The following XIRP2 variants were observed in gnomAD, a reference collection of about 807,000 sequenced individuals.
XIRP2 encodes xin actin-binding repeat-containing protein 2.
In XIRP2, 236 loss-of-function variants were observed where a neutral mutation model predicts 277.0. The observed-to-expected ratio is 0.85, with a 90% CI of 0.77 to 0.95. The LOEUF (loss-of-function observed/expected upper bound fraction) is 0.95. Among genes scored for constraint, XIRP2 ranks in the 40% least tolerant of loss-of-function variants. The probability of loss-of-function intolerance (pLI) is 0.00; values close to 1 mark genes in which losing one functional copy is unlikely to be tolerated. For missense variants in XIRP2, 4,640 were observed against 4,157.5 expected, an observed-to-expected ratio of 1.12 and a Z score of -3.19; for synonymous variants, 1,490 against 1,416.5, an observed-to-expected ratio of 1.05 and a Z score of -1.17.
rs1287671784 is a variant in XIRP2, at chr2:167,245,254, A to G, written c.3862A>G (p.Lys1288Glu). 1 of 1,613,682 alleles carries G rather than the reference A, an allele frequency of 6.2e-7. No homozygotes were observed. Residue 1288 changes from lysine to glutamate, a missense_variant, in exon 9 of 11, where the codon AAA (lysine) becomes GAA (glutamate). Coordinates refer to ENST00000409195, the MANE Select transcript of XIRP2 (RefSeq NM_152381.6). ...IFETFSLDEI[K>E]EESDYISTKK... ...TGAGACTTTTTCTTTAGATGAGATT[A>G]AAGAAGAATCTGACTATATCAGCAC...
intron 2 of XIRP2, among the ~76,000 whole-genome samples, chr2:166,936,325 T>G (rs565734122): frequency 6.6e-6 from 1 of 152,232 alleles, no homozygotes; most frequent in Non-Finnish European, 1.5e-5. Flanking sequence ...CTTTGTCAGA[T>G]GAGTAGATTG....
chr2:166,938,345 G>C (rs529660108), intron 2 of XIRP2, among the ~76,000 whole-genome samples: 3 of 152,176 alleles, frequency 2.0e-5, no homozygotes, highest in Admixed American at 6.5e-5. Flanking sequence ...CCTTCATTTC[G>C]TTATGTACCC....
intron 1 of XIRP2, among the ~76,000 whole-genome samples, chr2:166,892,981 T>TACAC (rs768482855): frequency 4.1e-4 from 58 of 143,104 alleles, no homozygotes; most frequent in South Asian, 3.1e-3. Flanking sequence ...TATATGTATA[T>TACAC]ACACACACAC....
At chr2:166,928,186 A>C (rs1685239904) in intron 2 of XIRP2, among the ~76,000 whole-genome samples, 3 of 152,086 alleles carry the variant, frequency 2.0e-5, no homozygotes, top group Non-Finnish European at 4.4e-5. Flanking sequence ...AGTTAAAGAT[A>C]AGTTGGCTAT....
intron 3 of XIRP2, among the ~76,000 whole-genome samples, chr2:167,200,316 A>C (rs1479243512): frequency 6.6e-6 from 1 of 152,208 alleles, no homozygotes; most frequent in Non-Finnish European, 1.5e-5. Context: ...GCCAGTGTTC[A>C]CTGTGCCGAG....
chr2:167,180,384 T>G, intron 3 of XIRP2, among the ~76,000 whole-genome samples: 1 of 152,158 alleles, frequency 6.6e-6, no homozygotes, highest in East Asian at 1.9e-4. Context: ...TTTTCATCTC[T>G]TTGATTTTGC....
intron 1 of XIRP2, among the ~76,000 whole-genome samples, chr2:166,902,803 C>T (rs1684416334): frequency 6.6e-6 from 1 of 151,948 alleles, no homozygotes. Flanking sequence ...ATTTCAAATC[C>T]AGGCTTTGTC....
intron 2 of XIRP2, among the ~76,000 whole-genome samples, chr2:167,119,884 G>A (rs1203164675): frequency 1.3e-5 from 2 of 152,052 alleles, no homozygotes; most frequent in African/African-American, 4.8e-5. Context: ...GATCTAATTG[G>A]CCTATAAGAG....
chr2:167,084,384 A>T (rs1163840979), intron 2 of XIRP2, among the ~76,000 whole-genome samples: 1 of 151,776 alleles, frequency 6.6e-6, no homozygotes, highest in African/African-American at 2.4e-5. Flanking sequence ...TTCATCAAGG[A>T]TATTGGTCTA....
At chr2:167,131,134 G>C (rs1229389416) in intron 2 of XIRP2, among the ~76,000 whole-genome samples, 4 of 152,036 alleles carry the variant, frequency 2.6e-5, no homozygotes. Flanking sequence ...AAGCTACCAA[G>C]CTTGCAAATC....
At chr2:167,214,476 C>CAAAAA (rs569699283) in intron 4 of XIRP2, among the ~76,000 whole-genome samples, 1 of 84,648 alleles carries the variant, frequency 1.2e-5, no homozygotes, top group African/African-American at 3.6e-5. Context: ...GACTCCATCT[C>CAAAAA]AAAAAAAAAA....
chr2:166,945,663 C>CTTTTTTTTTTTTTTTTTTTTTTT (rs71395267), intron 2 of XIRP2, among the ~76,000 whole-genome samples: 1 of 69,266 alleles, frequency 1.4e-5, no homozygotes, highest in Non-Finnish European at 2.5e-5. Flanking sequence ...TAAGATAAAT[C>CTTTTTTTTTTTTTTTTTTTTTTT]TTTTTTTTTT....
intron 3 of XIRP2, among the ~76,000 whole-genome samples, chr2:167,139,100 G>GTATATATATGCATATA (rs1691640573): frequency 6.7e-6 from 1 of 148,344 alleles, no homozygotes; most frequent in South Asian, 2.1e-4. Context: ...ATATACGTAC[G>GTATATATATGCATATA]TATATATATG....
chr2:166,902,262 A>G (rs1684404511), intron 1 of XIRP2, among the ~76,000 whole-genome samples: 4 of 152,102 alleles, frequency 2.6e-5, no homozygotes, highest in Admixed American at 2.6e-4. Flanking sequence ...CAGGCAGTTC[A>G]CATAATTAGG....
intron 5 of XIRP2, among the ~76,000 whole-genome samples, chr2:167,227,521 CA>C (rs1317649401): frequency 6.6e-6 from 1 of 151,890 alleles, no homozygotes; most frequent in Non-Finnish European, 1.5e-5. Context: ...GGCAACATAG[CA>C]AAACCCCATC....
chr2:167,001,827 A>T (rs973525259), intron 2 of XIRP2, among the ~76,000 whole-genome samples: 3 of 152,160 alleles, frequency 2.0e-5, no homozygotes, highest in African/African-American at 7.2e-5. Context: ...TAGTTAAAGA[A>T]TCATAAACAA....
At chr2:167,112,661 T>C (rs1279003331) in intron 2 of XIRP2, among the ~76,000 whole-genome samples, 1 of 151,132 alleles carries the variant, frequency 6.6e-6, no homozygotes, top group South Asian at 2.1e-4. Context: ...TTTTTATATA[T>C]GTATATTTGA....
chr2:167,137,765 T>C (rs1015865124), intron 3 of XIRP2, among the ~76,000 whole-genome samples: 2 of 152,192 alleles, frequency 1.3e-5, no homozygotes, highest in African/African-American at 4.8e-5. Flanking sequence ...GGTGGGAAAA[T>C]TGCATCTGCA....
chr2:167,056,503 G>T (rs1044545452), intron 2 of XIRP2, among the ~76,000 whole-genome samples: 1 of 152,002 alleles, frequency 6.6e-6, no homozygotes, highest in African/African-American at 2.4e-5. Context: ...TGCAAACTCA[G>T]TGTTCTCTGT....
Sources: gnomAD v4.1 joint callset for allele counts (sites outside exome capture counted in the v4.1 genomes callset) on GRCh38, gnomAD v4.1.1 for gene constraint, MANE v1.5 for transcripts, NCBI Gene and HGNC (gene_info 2026-07-23, HGNC 2026-07-21) for gene names.